The following CDKL4 variants were observed in gnomAD, a reference collection of about 807,000 sequenced individuals.
CDKL4 encodes the protein cyclin-dependent kinase-like 4.
CDKL4 carries 44 observed loss-of-function variants against 42.0 expected under a neutral mutation model. The ratio of observed to expected loss-of-function variants is 1.05; its 90% CI spans 0.82 to 1.35. CDKL4 has a LOEUF of 1.35. Among genes scored for constraint, CDKL4 ranks in the 40% most tolerant of loss-of-function variants. The pLI is 0.00. For missense variants in CDKL4, 393 were observed against 369.9 expected (o/e 1.06, Z -0.51); for synonymous variants, 120 against 121.6 (o/e 0.99, Z 0.09).
chr2:39,205,777 A>AAAAGAAAG (rs1553386235), intron 4 of CDKL4, among the ~76,000 whole-genome samples: 1 of 149,462 alleles, frequency 6.7e-6, no homozygotes. Flanking sequence ...AAAAAAAAAA[A>AAAAGAAAG]AAAGAAAGAA....
intron 5 of CDKL4, among the ~76,000 whole-genome samples, chr2:39,200,924 ACCAAGAAC>A (rs1305113614): frequency 6.6e-6 from 1 of 152,110 alleles, no homozygotes; most frequent in Non-Finnish European, 1.5e-5. Flanking sequence ...ACTTCTCATG[ACCAAGAAC>A]CCAAAAGCAA....
At chr2:39,194,125 C>T (rs572775829) in intron 5 of CDKL4, among the ~76,000 whole-genome samples, 4 of 152,182 alleles carry the variant, frequency 2.6e-5, no homozygotes, top group African/African-American at 7.2e-5. Context: ...AAATTGTGTT[C>T]CCACTAAAAA....
At chr2:39,219,287 C>A (rs1678155146) in intron 3 of CDKL4, among the ~76,000 whole-genome samples, 1 of 152,140 alleles carries the variant, frequency 6.6e-6, no homozygotes, top group Non-Finnish European at 1.5e-5. Context: ...GGGAAACAAT[C>A]CAAGGCTGTG....
chr2:39,242,017 T>G (rs1020764132), intron 1 of CDKL4, among the ~76,000 whole-genome samples: 4 of 152,086 alleles, frequency 2.6e-5, no homozygotes. Context: ...ATTCAGTTGG[T>G]TGAAAATAGT....
intron 1 of CDKL4, among the ~76,000 whole-genome samples, chr2:39,232,796 G>A (rs889664070): frequency 1.4e-4 from 21 of 151,794 alleles, no homozygotes; most frequent in Non-Finnish European, 1.5e-4. Flanking sequence ...CTGTAATCCC[G>A]GCACTTTGGG....
rs370246608 is a variant in CDKL4, at chr2:39,242,019, G to C, written c.-57+1852C>G. On this transcript the variant is annotated intron_variant, in intron 1 of 9. Transcript: ENST00000451199. Reference sequence around the variant, plus strand: ...TGGCAGAAAGTAGATTCAGTTGGTTGAAAATAGTTTTCTTTTTCTTTTTCC... The same window carrying C: ...TGGCAGAAAGTAGATTCAGTTGGTTCAAAATAGTTTTCTTTTTCTTTTTCC... 4.6e-4 allele frequency among the ~76,000 whole-genome samples: 69 copies of C among 151,322 alleles called. 1 individual carries two copies. The highest frequency in any genetic ancestry group is 1.6e-3 in the African/African-American group (66 of 41,326).
At chr2:39,238,796 G>T (rs1679498252) in intron 1 of CDKL4, among the ~76,000 whole-genome samples, 2 of 152,060 alleles carry the variant, frequency 1.3e-5, no homozygotes, top group African/African-American at 2.4e-5. Flanking sequence ...CTGTCACCCA[G>T]GCTGGAGTGC....
chr2:39,217,808 G>A (rs751630175), intron 3 of CDKL4, among the ~76,000 whole-genome samples: 1 of 151,778 alleles, frequency 6.6e-6, no homozygotes, highest in African/African-American at 2.4e-5. Context: ...ATCTCCGCTC[G>A]CCGCAACCTC....
At chr2:39,209,700 C>T (rs1677465715) in intron 4 of CDKL4, among the ~76,000 whole-genome samples, 1 of 152,132 alleles carries the variant, frequency 6.6e-6, no homozygotes, top group Admixed American at 6.5e-5. Context: ...GATCTCGACT[C>T]TGGAGATGAT....
At chr2:39,201,542 G>A (rs528915182) in intron 5 of CDKL4, among the ~76,000 whole-genome samples, 68 of 151,958 alleles carry the variant, frequency 4.5e-4, no homozygotes, top group Non-Finnish European at 7.8e-4. Flanking sequence ...CAGCACATTT[G>A]CAATTGAAAA....
intron 5 of CDKL4, among the ~76,000 whole-genome samples, chr2:39,192,306 T>C (rs532896388): frequency 1.7e-4 from 26 of 152,262 alleles, no homozygotes; most frequent in African/African-American, 6.0e-4. Context: ...CAAAGGTACT[T>C]TGTGTTAATC....
At chr2:39,191,418 G>A (rs1676176623) in intron 5 of CDKL4, among the ~76,000 whole-genome samples, 1 of 152,112 alleles carries the variant, frequency 6.6e-6, no homozygotes, top group African/African-American at 2.4e-5. Context: ...AAAGAAGCTA[G>A]GATAGAGACA....
At chr2:39,189,642 G>A (rs574738238) in intron 6 of CDKL4, among the ~76,000 whole-genome samples, 1 of 152,168 alleles carries the variant, frequency 6.6e-6, no homozygotes, top group African/African-American at 2.4e-5. Flanking sequence ...TACAGCTTGT[G>A]ACCTCAGAAT....
intron 3 of CDKL4, among the ~76,000 whole-genome samples, chr2:39,213,898 T>C (rs890773193): frequency 3.8e-5 from 5 of 131,246 alleles, no homozygotes; most frequent in African/African-American, 1.3e-4. Flanking sequence ...TTTTTTGTTT[T>C]GTTTTGTTTT....
At chr2:39,219,956 C>T (rs72921030) in intron 3 of CDKL4, among the ~76,000 whole-genome samples, 3,251 of 152,198 alleles carry the variant, frequency 0.021, 108 homozygotes, top group African/African-American at 0.075. Flanking sequence ...ATTTTGATAT[C>T]GACCCTAAAA....
intron 4 of CDKL4, among the ~76,000 whole-genome samples, chr2:39,205,411 T>G (rs1360210812): frequency 6.6e-6 from 1 of 151,982 alleles, no homozygotes; most frequent in Admixed American, 6.6e-5. Flanking sequence ...AAAATTCACT[T>G]ATAATTAGAA....
chr2:39,238,103 C>T (rs1679463720), intron 1 of CDKL4, among the ~76,000 whole-genome samples: 1 of 152,122 alleles, frequency 6.6e-6, no homozygotes, highest in Non-Finnish European at 1.5e-5. Context: ...TTTGAAAACC[C>T]AGCAAGATAT....
intron 3 of CDKL4, among the ~76,000 whole-genome samples, chr2:39,219,480 G>A (rs1218207677): frequency 1.3e-5 from 2 of 151,946 alleles, no homozygotes; most frequent in African/African-American, 2.4e-5. Context: ...GAGTGCAATG[G>A]CATGATCTTG....
chr2:39,217,764 G>A (rs973079532), intron 3 of CDKL4, among the ~76,000 whole-genome samples: 5 of 150,752 alleles, frequency 3.3e-5, no homozygotes, highest in African/African-American at 7.3e-5. Context: ...ATAGAGTTTC[G>A]CTCTTGTTGC....
Sources: gnomAD v4.1 joint callset for allele counts (sites outside exome capture counted in the v4.1 genomes callset) on GRCh38, gnomAD v4.1.1 for gene constraint, MANE v1.5 for transcripts, NCBI Gene and HGNC (gene_info 2026-07-23, HGNC 2026-07-21) for gene names.